Variants in PDE4D observed in about 807,000 individuals in gnomAD.
PDE4D encodes 3',5'-cyclic-AMP phosphodiesterase 4D.
In PDE4D, 24 loss-of-function variants were observed where a neutral mutation model predicts 87.4. The ratio of observed to expected loss-of-function variants is 0.27; its 90% CI spans 0.20 to 0.39. The LOEUF (loss-of-function observed/expected upper bound fraction) is 0.39. PDE4D is among the 10% of genes least tolerant of loss of function. The pLI is 1.00. For missense variants in PDE4D, 714 were observed against 1,041.0 expected (o/e 0.69, Z 4.32); for synonymous variants, 384 against 383.2 (o/e 1.00, Z -0.02).
At chr5:59,510,769 G>A (rs1810159084) in intron 1 of PDE4D, among the ~76,000 whole-genome samples, 1 of 151,934 alleles carries the variant, frequency 6.6e-6, no homozygotes, top group African/African-American at 2.4e-5. Flanking sequence ...AAGGGTCTGA[G>A]TGAAAACTCT....
chr5:59,689,858 G>C lies in PDE4D; in HGVS notation c.455+203310C>G, dbSNP rs1580437568. Among the ~76,000 whole-genome samples the C allele has an allele frequency of 2.0e-5, 3 of 152,226 alleles. No homozygotes were observed. The East Asian group carries it at 5.8e-4, about 29-fold the overall frequency. ...GCCCAAAATCTCCTTAATCTGATAA[G>C]CAACTTCAGCAAAGTCTCAGGATAC... On this transcript the variant is annotated intron_variant, in intron 1 of 14. Coordinates refer to ENST00000340635, the MANE Select transcript of PDE4D (RefSeq NM_001104631.2).
At chr5:59,193,390 T>G in intron 3 of PDE4D, 110 bp downstream of exon 3, 2 of 1,020,788 alleles carry the variant, frequency 2.0e-6, no homozygotes, top group South Asian at 2.9e-5. Context: ...GAATTTGTAT[T>G]TGTACTTGTG....
Position 58,991,936 on chromosome 5 carries a change from A to ACAT in PDE4D, c.1081_1083dup (p.Met361dup), listed in dbSNP as rs754452743. ...AATTTCTTGACTCCACTGATCTGAG[A>ACAT]CATTGGTCTTTTCTTTTTCTCCTTT... On this transcript the variant is annotated inframe_insertion, in exon 8 of 15. Transcript: ENST00000340635. 1.2e-6 allele frequency: 2 copies of ACAT among 1,604,740 alleles called. No homozygotes were observed. The highest frequency in any genetic ancestry group is 4.5e-5 in the East Asian group (2 of 44,508).
chr5:59,570,757 C>T (rs1821700498), intron 1 of PDE4D, among the ~76,000 whole-genome samples: 1 of 151,838 alleles, frequency 6.6e-6, no homozygotes, highest in Non-Finnish European at 1.5e-5. Context: ...AATGGAGAAA[C>T]ATGAATAAGG....
chr5:60,169,214 A>G (rs758904279), intron 2 of PDE4D, among the ~76,000 whole-genome samples: 7 of 152,168 alleles, frequency 4.6e-5, no homozygotes, highest in Non-Finnish European at 4.4e-5. Flanking sequence ...GAAAAACCAT[A>G]AGAATGTTCA....
intron 5 of PDE4D, among the ~76,000 whole-genome samples, chr5:59,146,185 TA>T (rs1270170634): frequency 1.3e-5 from 2 of 152,138 alleles, no homozygotes; most frequent in Non-Finnish European, 2.9e-5. Flanking sequence ...TTATTCTTTT[TA>T]AACTAAAAAA....
chr5:59,515,935 A>T (rs1237777796), intron 1 of PDE4D, among the ~76,000 whole-genome samples: 2 of 152,184 alleles, frequency 1.3e-5, no homozygotes, highest in African/African-American at 2.4e-5. Flanking sequence ...CCATATGGGA[A>T]ACATACAAAA....
chr5:59,260,097 T>C (rs1761719204), intron 1 of PDE4D, among the ~76,000 whole-genome samples: 1 of 151,864 alleles, frequency 6.6e-6, no homozygotes, highest in Admixed American at 6.6e-5. Context: ...AGATTATCTG[T>C]TACTCCTTTA....
chr5:59,696,420 G>C (rs1312518220), intron 1 of PDE4D, among the ~76,000 whole-genome samples: 1 of 152,130 alleles, frequency 6.6e-6, no homozygotes, highest in East Asian at 1.9e-4. Context: ...CTATTGAAGG[G>C]AGACAGACAA....
chr5:59,365,363 G>A (rs367622819), intron 1 of PDE4D, among the ~76,000 whole-genome samples: 3 of 152,204 alleles, frequency 2.0e-5, no homozygotes, highest in African/African-American at 7.2e-5. Flanking sequence ...GGAGGCCGAG[G>A]TGGGAGAATC....
rs114809353 is a variant in PDE4D, at chr5:59,045,610, G to A, written c.809-6639C>T. 7.3e-3 allele frequency among the ~76,000 whole-genome samples: 1,073 copies of A among 147,820 alleles called. 17 individuals carry two copies. The highest frequency in any genetic ancestry group is 0.025 in the African/African-American group (1,016 of 40,334). Reference sequence around the variant, plus strand: ...TGTGTGTCAAAAAAGAAATAACCATGAGTAGGGCCTTGCTTAGGGGAACAG... The same window carrying A: ...TGTGTGTCAAAAAAGAAATAACCATAAGTAGGGCCTTGCTTAGGGGAACAG... On this transcript the variant is annotated intron_variant, in intron 5 of 14. Coordinates refer to ENST00000340635, the MANE Select transcript of PDE4D (RefSeq NM_001104631.2).
intron 1 of PDE4D, among the ~76,000 whole-genome samples, chr5:59,743,217 C>T (rs1481370748): frequency 6.6e-6 from 1 of 151,722 alleles, no homozygotes; most frequent in African/African-American, 2.4e-5. Flanking sequence ...AAGAGAGCCC[C>T]CAAAAAATGG....
intron 1 of PDE4D, among the ~76,000 whole-genome samples, chr5:59,467,484 T>C (rs150073798): frequency 1.3e-4 from 20 of 152,324 alleles, no homozygotes; most frequent in Non-Finnish European, 2.6e-4. Flanking sequence ...CTTTTAACCT[T>C]TGCTATTTGT....
At chr5:59,861,026 A>ATT (rs33992679) in intron 1 of PDE4D, among the ~76,000 whole-genome samples, 1,576 of 134,948 alleles carry the variant, frequency 0.012, 29 homozygotes, top group African/African-American at 0.036. Context: ...CACCTAGATA[A>ATT]TTTTTTTTTT....
intron 1 of PDE4D, among the ~76,000 whole-genome samples, chr5:59,810,462 A>G (rs1768226617): frequency 6.6e-6 from 1 of 152,272 alleles, no homozygotes; most frequent in South Asian, 2.1e-4. Flanking sequence ...GATATTTTAA[A>G]TGATGACTCG....
intron 1 of PDE4D, chr5:59,528,994 C>T: frequency 2.2e-6 from 1 of 460,626 alleles, no homozygotes; most frequent in South Asian, 1.6e-5. Flanking sequence ...CCAGCTGAAA[C>T]AAGAGTACCT....
Position 59,732,826 on chromosome 5 carries a change from T to C in PDE4D, c.455+160342A>G, listed in dbSNP as rs977402104. The stretch of plus-strand genomic sequence containing the variant: ...TCATTCATTATGTAAATATGACCTT[T>C]AAGGACATATCACAAGTAAGTTGTG... On this transcript the variant is annotated intron_variant, in intron 1 of 14. Transcript: ENST00000340635. Among the ~76,000 whole-genome samples the C allele has an allele frequency of 2.0e-5, 3 of 152,198 alleles. No individual in the cohort carries two copies. In the South Asian group the frequency reaches 6.2e-4, roughly 32 times the overall value.
In PDE4D at chr5:59,242,532, A is replaced by G. The variant is rs73108707; in HGVS notation, c.456-26564T>C. Among the ~76,000 whole-genome samples, 1,149 of 152,332 alleles carry G rather than the reference A, an allele frequency of 7.5e-3. 10 individuals carry two copies. Among genetic ancestry groups the G allele is most frequent in the African/African-American group, 0.027 (1,106 of 41,576 alleles). On this transcript the variant is annotated intron_variant, in intron 1 of 14. Transcript: ENST00000340635. The stretch of plus-strand genomic sequence containing the variant: ...GTAAATGAAATTTAGCAATGTCAGA[A>G]GAGACAGCAGGACAAATTGCAATCA...
intron 1 of PDE4D, among the ~76,000 whole-genome samples, chr5:59,805,086 C>G (rs1275565131): frequency 6.6e-6 from 1 of 152,178 alleles, no homozygotes; most frequent in African/African-American, 2.4e-5. Flanking sequence ...AGCCACCGTG[C>G]CCTGCCACAT....
Sources: gnomAD v4.1 joint callset for allele counts (sites outside exome capture counted in the v4.1 genomes callset) on GRCh38, gnomAD v4.1.1 for gene constraint, MANE v1.5 for transcripts, NCBI Gene and HGNC (gene_info 2026-07-23, HGNC 2026-07-21) for gene names.